Variants in DIAPH2 observed in about 807,000 individuals in gnomAD.
DIAPH2 encodes the protein diaphanous related formin 2, also known as protein diaphanous homolog 2.
A neutral mutation model predicts 92.7 loss-of-function variants in DIAPH2; 35 were observed. The observed-to-expected ratio is 0.38, with a 90% confidence interval of 0.29 to 0.50. DIAPH2 has a LOEUF of 0.50. DIAPH2 is among the 20% of genes least tolerant of loss of function. The pLI, the probability that DIAPH2 is intolerant of heterozygous loss-of-function variation, is 0.94. For synonymous variants in DIAPH2, 301 were observed against 280.4 expected, an observed-to-expected ratio of 1.07 and a Z score of -0.73; for missense variants, 701 against 819.5, an observed-to-expected ratio of 0.86 and a Z score of 1.77.
At chrX:97,350,178 C>T (rs1353005661) in intron 24 of DIAPH2, among the ~76,000 whole-genome samples, 4 of 110,014 alleles carry the variant, frequency 3.6e-5, no homozygotes, top group African/African-American at 6.6e-5. Context: ...GTCGTGGTGG[C>T]GGGTGCCTGT....
chrX:97,066,117 A>G (rs1007861282), intron 17 of DIAPH2, among the ~76,000 whole-genome samples: 4 of 112,002 alleles, frequency 3.6e-5, no homozygotes, highest in Admixed American at 1.9e-4. Flanking sequence ...GGTGTAGCCT[A>G]TGTGTACAGC....
intron 17 of DIAPH2, among the ~76,000 whole-genome samples, chrX:96,973,857 G>A (rs999321784): frequency 4.5e-5 from 5 of 109,979 alleles, no homozygotes; most frequent in Non-Finnish European, 7.6e-5. Context: ...CATCACGCCC[G>A]ACTAATTTTG....
At chrX:96,962,366 C>T (rs749293016) in intron 16 of DIAPH2, among the ~76,000 whole-genome samples, 1 of 45,140 alleles carries the variant, frequency 2.2e-5, no homozygotes, top group South Asian at 1.3e-3. Context: ...TATATATATA[C>T]ACATATATAT....
At chrX:96,843,257 G>A (rs2064948944) in intron 4 of DIAPH2, among the ~76,000 whole-genome samples, 1 of 111,641 alleles carries the variant, frequency 9.0e-6, no homozygotes, top group Admixed American at 9.6e-5. Context: ...ATGATTGTAA[G>A]CTTCCAGAGG....
chrX:97,350,499 A>T (rs1429306815), intron 24 of DIAPH2, among the ~76,000 whole-genome samples: 1 of 110,888 alleles, frequency 9.0e-6, no homozygotes, highest in African/African-American at 3.3e-5. Context: ...GCCTGTGTGT[A>T]CTCATATTAG....
At chrX:97,419,962 G>A (rs2147768862) in intron 25 of DIAPH2, among the ~76,000 whole-genome samples, 1 of 111,265 alleles carries the variant, frequency 9.0e-6, no homozygotes, top group Non-Finnish European at 1.9e-5. Context: ...GTATTTCAAA[G>A]CTCTCTTTGA....
At chrX:96,695,102 C>T (rs2063818526) in intron 1 of DIAPH2, among the ~76,000 whole-genome samples, 1 of 111,016 alleles carries the variant, frequency 9.0e-6, no homozygotes, top group African/African-American at 3.3e-5. Context: ...TGTACATCAC[C>T]CCACCCGGCT....
At chrX:97,449,747 G>T (rs776951300) in intron 26 of DIAPH2, 2 of 588,081 alleles carry the variant, frequency 3.4e-6, no homozygotes, top group Non-Finnish European at 4.1e-6. Context: ...GGGGGAACCA[G>T]TGGCTGAATG....
chrX:97,458,274 T>C (rs2070426730), intron 26 of DIAPH2, among the ~76,000 whole-genome samples: 1 of 108,958 alleles, frequency 9.2e-6, no homozygotes, highest in East Asian at 2.9e-4. Flanking sequence ...GGGTTTTTTT[T>C]CCATTTTCTT....
intron 24 of DIAPH2, among the ~76,000 whole-genome samples, chrX:97,352,697 G>A (rs925769338): frequency 1.9e-5 from 2 of 106,380 alleles, no homozygotes; most frequent in East Asian, 2.9e-4. Context: ...GTGAAACCCC[G>A]TCTCTACTAA....
At chrX:97,210,736 G>A (rs1421639514) in intron 22 of DIAPH2, among the ~76,000 whole-genome samples, 1 of 111,936 alleles carries the variant, frequency 8.9e-6, no homozygotes, top group Non-Finnish European at 1.9e-5. Flanking sequence ...CCAAATGATT[G>A]ATGACATTCT....
At chrX:97,296,026 G>A (rs1473063572) in intron 23 of DIAPH2, among the ~76,000 whole-genome samples, 3 of 110,719 alleles carry the variant, frequency 2.7e-5, no homozygotes, top group South Asian at 3.8e-4. Flanking sequence ...GCCACCATAC[G>A]CAGCCATATT....
intron 15 of DIAPH2, among the ~76,000 whole-genome samples, chrX:96,956,519 G>T (rs769060884): frequency 1.8e-5 from 2 of 111,868 alleles, no homozygotes; most frequent in Non-Finnish European, 3.8e-5. Context: ...CTACTGCATT[G>T]TCAGTCTGCA....
intron 17 of DIAPH2, among the ~76,000 whole-genome samples, chrX:97,017,486 CCTT>C (rs1569280238): frequency 9.0e-6 from 1 of 111,559 alleles, no homozygotes; most frequent in Non-Finnish European, 1.9e-5. Flanking sequence ...GAATTTGGGA[CCTT>C]CTTTGTTCAT....
chrX:97,482,357 C>T (rs770013627), intron 26 of DIAPH2, among the ~76,000 whole-genome samples: 1 of 112,336 alleles, frequency 8.9e-6, no homozygotes, highest in East Asian at 2.8e-4. Context: ...TTAAACAGCC[C>T]GAATGAATAA....
chrX:96,694,947 C>CTT (rs781695336), intron 1 of DIAPH2, among the ~76,000 whole-genome samples: 29 of 90,177 alleles, frequency 3.2e-4, no homozygotes, highest in African/African-American at 6.2e-4. Flanking sequence ...AGCTAATGGT[C>CTT]TTTTTTTTTT....
chrX:96,833,105 A>G (rs1463505924), intron 4 of DIAPH2, among the ~76,000 whole-genome samples: 1 of 111,227 alleles, frequency 9.0e-6, no homozygotes, highest in East Asian at 2.8e-4. Flanking sequence ...TACTTTTTTT[A>G]AAATTCCTTG....
chrX:97,175,238 G>A (rs1281710473), intron 22 of DIAPH2, among the ~76,000 whole-genome samples: 3 of 111,416 alleles, frequency 2.7e-5, no homozygotes, highest in Non-Finnish European at 5.7e-5. Flanking sequence ...AGGAACCATT[G>A]AAGAAAATAA....
At chrX:97,160,855 A>G (rs1413520263) in intron 22 of DIAPH2, among the ~76,000 whole-genome samples, 1 of 111,544 alleles carries the variant, frequency 9.0e-6, no homozygotes, top group Non-Finnish European at 1.9e-5. Flanking sequence ...CCATATACCA[A>G]ACACTTAAAT....
Sources: gnomAD v4.1 joint callset for allele counts (sites outside exome capture counted in the v4.1 genomes callset) on GRCh38, gnomAD v4.1.1 for gene constraint, MANE v1.5 for transcripts, NCBI Gene and HGNC (gene_info 2026-07-23, HGNC 2026-07-21) for gene names.